TCF7L1: variants seen among roughly 807,000 people sequenced by gnomAD.
TCF7L1 encodes transcription factor 7-like 1.
A neutral mutation model predicts 63.7 loss-of-function variants in TCF7L1; 18 were observed. That is an observed-to-expected ratio of 0.28 (90% CI 0.20 to 0.42). The LOEUF (loss-of-function observed/expected upper bound fraction) is 0.42. Ranked by LOEUF, TCF7L1 falls within the 10% of genes least tolerant of loss-of-function variation. TCF7L1 has a pLI of 1.00. For synonymous variants in TCF7L1, 355 were observed against 340.9 expected, an observed-to-expected ratio of 1.04 and a Z score of -0.46; for missense variants, 654 against 779.3, an observed-to-expected ratio of 0.84 and a Z score of 1.91.
At position 85,304,265 on chromosome 2, in the gene TCF7L1, C is replaced by T; in HGVS notation, c.772C>T (p.Pro258Ser). The T allele has an allele frequency of 6.2e-7, 1 of 1,613,982 alleles. No homozygotes were observed. The highest frequency in any genetic ancestry group is 8.5e-7 in the Non-Finnish European group (1 of 1,179,918). The change falls in exon 7 of 12, where the codon CCC becomes TCC. Residue 258 changes from proline to serine, a missense_variant. Physicochemically the swap from Pro to Ser is moderately conservative, Grantham distance 74 (BLOSUM62 -1). Around this residue, in one of 3 missense-constraint regions of TCF7L1, gnomAD observed 404 missense variants for 454.8 expected, o/e 0.89. Transcript: ENST00000282111. ...TCCTCCCCCTCACAGGCAAGGCCAGCCCATGTACTCCCTTCCTCCCGGTGG... is the reference window on the plus strand; with the variant it reads ...TCCTCCCCCTCACAGGCAAGGCCAGTCCATGTACTCCCTTCCTCCCGGTGG... ...LGWLVPQQGQ[P>S]MYSLPPGGFR...
chr2:85,134,837 G>A lies in TCF7L1; in HGVS notation c.441+387G>A, dbSNP rs1677553914. Among the ~76,000 whole-genome samples, 1 of 152,128 alleles carries A rather than the reference G, an allele frequency of 6.6e-6. No individual in the cohort carries two copies. The highest frequency in any genetic ancestry group is 2.4e-5 in the African/African-American group (1 of 41,446). On this transcript the variant is annotated intron_variant, in intron 3 of 11. Transcript: ENST00000282111. The surrounding 1 kb of genome is among the most constrained non-coding windows in gnomAD (Gnocchi z 5.0). The stretch of plus-strand genomic sequence containing the variant: ...AAGGGGCCTAGGGAGCTGGGTTGGC[G>A]ACGTTGTCCTCCGACTCCGGGTTCA...
At chr2:85,195,055 C>G (rs542125538) in intron 3 of TCF7L1, among the ~76,000 whole-genome samples, 1 of 152,376 alleles carries the variant, frequency 6.6e-6, no homozygotes, top group African/African-American at 2.4e-5. Context: ...AGCATTTGCC[C>G]TATGGCGTAG....
At chr2:85,252,204 G>A (rs932296402) in intron 3 of TCF7L1, among the ~76,000 whole-genome samples, 3 of 152,292 alleles carry the variant, frequency 2.0e-5, no homozygotes, top group Admixed American at 6.5e-5. Context: ...GTGCACCCAG[G>A]GAAACTGAGG....
intron 3 of TCF7L1, among the ~76,000 whole-genome samples, chr2:85,212,702 T>C (rs1679596726): frequency 6.6e-6 from 1 of 152,168 alleles, no homozygotes; most frequent in Non-Finnish European, 1.5e-5. Context: ...TTTTCTTTTG[T>C]TTCTGTGTGA....
At chr2:85,273,682 G>A (rs765574094) in intron 3 of TCF7L1, among the ~76,000 whole-genome samples, 7 of 152,318 alleles carry the variant, frequency 4.6e-5, no homozygotes, top group African/African-American at 1.4e-4. Flanking sequence ...ATACATGGGC[G>A]ACACGGTGAG....
intron 3 of TCF7L1, among the ~76,000 whole-genome samples, chr2:85,273,996 GA>G (rs1193753589): frequency 2.6e-5 from 4 of 152,186 alleles, no homozygotes; most frequent in African/African-American, 9.7e-5. Context: ...GGCCAGGGCA[GA>G]TGTTCTCACC....
intron 3 of TCF7L1, among the ~76,000 whole-genome samples, chr2:85,238,185 A>G (rs796570174): frequency 6.6e-6 from 1 of 152,178 alleles, no homozygotes; most frequent in African/African-American, 2.4e-5. Context: ...CTAACAGTCC[A>G]TAAGTGCATG....
At chr2:85,257,852 C>T (rs1680756757) in intron 3 of TCF7L1, among the ~76,000 whole-genome samples, 1 of 152,220 alleles carries the variant, frequency 6.6e-6, no homozygotes, top group Admixed American at 6.5e-5. Context: ...GAGGGTTCCA[C>T]ATTATGAATG....
intron 3 of TCF7L1, among the ~76,000 whole-genome samples, chr2:85,196,992 G>A (rs1028016374): frequency 6.6e-5 from 10 of 152,110 alleles, no homozygotes; most frequent in African/African-American, 1.9e-4. Context: ...CAAACTCCAC[G>A]GTTTCAGGGC....
chr2:85,262,191 C>T (rs892517227), intron 3 of TCF7L1: 21 of 548,276 alleles, frequency 3.8e-5, no homozygotes, highest in Admixed American at 7.7e-5. Flanking sequence ...GCCTTCTGTC[C>T]GCATATTCAC....
intron 4 of TCF7L1, among the ~76,000 whole-genome samples, chr2:85,295,450 C>T (rs1681820115): frequency 6.6e-6 from 1 of 152,186 alleles, no homozygotes; most frequent in South Asian, 2.1e-4. Context: ...ATCTGCCCGC[C>T]TCGGCCTCCC....
At chr2:85,138,376 G>A (rs1256819010) in intron 3 of TCF7L1, among the ~76,000 whole-genome samples, 1 of 152,174 alleles carries the variant, frequency 6.6e-6, no homozygotes, top group Non-Finnish European at 1.5e-5. Flanking sequence ...GTATGAAGAA[G>A]TTGTCTGTTT....
intron 3 of TCF7L1, among the ~76,000 whole-genome samples, chr2:85,218,496 T>G (rs930403472): frequency 6.6e-6 from 1 of 152,200 alleles, no homozygotes; most frequent in African/African-American, 2.4e-5. Context: ...GTTCAAGGGA[T>G]TTGCCTGCCT....
At chr2:85,294,026 ATTTTTTTTTT>A (rs774050758) in intron 4 of TCF7L1, among the ~76,000 whole-genome samples, 5 of 59,486 alleles carry the variant, frequency 8.4e-5, no homozygotes, top group Non-Finnish European at 1.2e-4. Flanking sequence ...GAACACTGGG[ATTTTTTTTTT>A]TTTTTTTTTT....
At chr2:85,182,186 G>A (rs1423207419) in intron 3 of TCF7L1, among the ~76,000 whole-genome samples, 7 of 152,172 alleles carry the variant, frequency 4.6e-5, no homozygotes, top group Non-Finnish European at 1.0e-4. Flanking sequence ...CGTCAGATGG[G>A]AGATGGACAT....
At chr2:85,168,623 C>T (rs558220497) in intron 3 of TCF7L1, among the ~76,000 whole-genome samples, 4 of 151,266 alleles carry the variant, frequency 2.6e-5, no homozygotes, top group East Asian at 1.9e-4. Flanking sequence ...TCTGTAAATA[C>T]GACTTTTTTT....
chr2:85,221,503 A>G (rs982942263), intron 3 of TCF7L1, among the ~76,000 whole-genome samples: 5 of 152,226 alleles, frequency 3.3e-5, no homozygotes, highest in African/African-American at 4.8e-5. Flanking sequence ...TAGTGCCGAC[A>G]TCTGCTCAGC....
rs527721773 is a variant in TCF7L1, at chr2:85,290,066, A to G, written c.525+6488A>G. 1.9e-4 allele frequency among the ~76,000 whole-genome samples: 27 copies of G among 143,024 alleles called. No homozygotes were observed. In the East Asian group the frequency reaches 5.5e-3, roughly 29 times the overall value. The allele number at this position is 143,024 out of a possible 152,430, so 93.8% of individuals were successfully genotyped here. A position where few individuals can be genotyped will look rare whatever the true frequency, so the allele number is the denominator to read the frequency against. On this transcript the variant is annotated intron_variant, in intron 4 of 11. Transcript: ENST00000282111. ...GATCTCAGCTCACTGCAACTTTCAC[A>G]CTCCGGGTTCAAGCAATTCTCCCTG... is the stretch of plus-strand genomic sequence containing the variant.
At chr2:85,215,761 T>TGGGGGGGG (rs1679686440) in intron 3 of TCF7L1, among the ~76,000 whole-genome samples, 2 of 2,036 alleles carry the variant, frequency 9.8e-4, no homozygotes, top group Admixed American at 4.6e-3. Flanking sequence ...GCTGCTGGGG[T>TGGGGGGGG]GGGGGTGGGG....
Sources: gnomAD v4.1 joint callset for allele counts (sites outside exome capture counted in the v4.1 genomes callset) on GRCh38, gnomAD v4.1.1 for gene constraint, gnomAD v4.1.1 regional missense constraint, Gnocchi (gnomAD v3.1) non-coding constraint, MANE v1.5 for transcripts, NCBI Gene and HGNC (gene_info 2026-07-23, HGNC 2026-07-21) for gene names.